Variants in UGT2B15 observed in about 807,000 individuals in gnomAD.
The protein encoded by UGT2B15 is UDP glucuronosyltransferase family 2 member B15, also known as UDP-glucuronosyltransferase 2B15.
In UGT2B15, 36 loss-of-function variants were observed where a neutral mutation model predicts 45.9. The ratio of observed to expected loss-of-function variants is 0.78; its 90% CI spans 0.60 to 1.04. UGT2B15 has a LOEUF of 1.04. Among genes scored for constraint, UGT2B15 ranks in the 50% least tolerant of loss-of-function variants. The pLI, the probability that UGT2B15 is intolerant of heterozygous loss-of-function variation, is 0.00. For synonymous variants in UGT2B15, 219 were observed against 216.4 expected, an observed-to-expected ratio of 1.01 and a Z score of -0.11; for missense variants, 617 against 622.4, an observed-to-expected ratio of 0.99 and a Z score of 0.09.
intron 5 of UGT2B15, among the ~76,000 whole-genome samples, chr4:68,652,548 C>A (rs1020273035): frequency 6.6e-6 from 1 of 151,530 alleles, no homozygotes; most frequent in African/African-American, 2.4e-5. Flanking sequence ...GCTGGTACCA[C>A]CTAACCTCAT....
At chr4:68,650,042 A>G (rs1732605431) in intron 5 of UGT2B15, among the ~76,000 whole-genome samples, 1 of 152,030 alleles carries the variant, frequency 6.6e-6, no homozygotes, top group Non-Finnish European at 1.5e-5. Flanking sequence ...TATGTTGGCC[A>G]GGAGTATGGT....
chr4:68,653,443 T>C (rs1438143398), intron 5 of UGT2B15, among the ~76,000 whole-genome samples: 6 of 152,018 alleles, frequency 3.9e-5, no homozygotes, highest in Non-Finnish European at 8.8e-5. Context: ...GAATAATCTA[T>C]TGAGAAACAA....
intron 3 of UGT2B15, among the ~76,000 whole-genome samples, chr4:68,661,138 G>A (rs1331041762): frequency 6.6e-6 from 1 of 151,934 alleles, no homozygotes; most frequent in Non-Finnish European, 1.5e-5. Flanking sequence ...CTTCTAAAAT[G>A]CTTTCTCCAA....
chr4:68,666,679 C>T (rs1733129447), intron 2 of UGT2B15, among the ~76,000 whole-genome samples: 1 of 150,536 alleles, frequency 6.6e-6, no homozygotes, highest in Non-Finnish European at 1.5e-5. Flanking sequence ...CATTTCTTAA[C>T]TCTTTTCACT....
rs1732618020 is a variant in UGT2B15, at chr4:68,650,383, AGTG to A, written c.1314-3003_1314-3001del. ...TCTCATTGTTCAACTCCCTCTTATA[AGTG>A]AGAACATGTGGTGTTTGGTTTTCTG... On this transcript the variant is annotated intron_variant, in intron 5 of 5. Coordinates refer to ENST00000338206, the MANE Select transcript of UGT2B15 (RefSeq NM_001076.4). Among the ~76,000 whole-genome samples, 18 of 151,952 alleles carry A rather than the reference AGTG, an allele frequency of 1.2e-4. No individual in the cohort carries two copies. In the South Asian group the frequency reaches 3.8e-3, roughly 32 times the overall value.
At chr4:68,653,990 C>G (rs1239704394) in intron 5 of UGT2B15, 47 bp downstream of exon 5, 1 of 1,597,206 alleles carries the variant, frequency 6.3e-7, no homozygotes, top group Non-Finnish European at 8.6e-7. Flanking sequence ...TCACTGTTGA[C>G]AAAATAATTT....
chr4:68,653,498 C>G (rs1281911875), intron 5 of UGT2B15, among the ~76,000 whole-genome samples: 7 of 151,910 alleles, frequency 4.6e-5, no homozygotes, highest in Non-Finnish European at 1.0e-4. Context: ...TTGGGAGTGA[C>G]TTCATACATT....
chr4:68,654,436 A>G (rs1240316878), intron 4 of UGT2B15, among the ~76,000 whole-genome samples, 180 bp from the exon 5 acceptor site: 1 of 147,224 alleles, frequency 6.8e-6, no homozygotes, highest in African/African-American at 2.4e-5. Context: ...ATGAAAAAGC[A>G]TATTCTTAAT....
chr4:68,667,897 G>A, intron 2 of UGT2B15, 143 bp downstream of exon 2: 1 of 1,350,880 alleles, frequency 7.4e-7, no homozygotes, highest in South Asian at 1.5e-5. Context: ...TGATACTACA[G>A]AAATATATGA....
At chr4:68,662,739 C>T (rs1340137942) in intron 3 of UGT2B15, among the ~76,000 whole-genome samples, 1 of 149,448 alleles carries the variant, frequency 6.7e-6, no homozygotes, top group African/African-American at 2.5e-5. Context: ...GTACATGCTA[C>T]GATACCATGA....
chr4:68,664,767 T>C (rs995235372), intron 2 of UGT2B15, among the ~76,000 whole-genome samples: 3 of 152,058 alleles, frequency 2.0e-5, no homozygotes, highest in Non-Finnish European at 4.4e-5. Context: ...GGTTTCACCA[T>C]CTTGGCCAGA....
intron 5 of UGT2B15, among the ~76,000 whole-genome samples, chr4:68,647,992 C>T (rs1425503737): frequency 1.3e-5 from 2 of 151,900 alleles, no homozygotes; most frequent in South Asian, 2.1e-4. Context: ...AAAGTGTTGG[C>T]CCTACAGACA....
Position 68,668,016 on chromosome 4 carries a change from C to T in UGT2B15, c.873+24G>A, listed in dbSNP as rs373072072. ...ATTCCTTCTGAAAATGTCAAGCAAA[C>T]AAATGAAACAAGAATACATTTACCT... On this transcript the variant is annotated intron_variant, in intron 2 of 5. Coordinates refer to ENST00000338206, the MANE Select transcript of UGT2B15 (RefSeq NM_001076.4). 2.5e-6 allele frequency: 4 copies of T among 1,610,884 alleles called. No homozygotes were observed. The African/African-American group carries it at 5.4e-5, about 22-fold the overall frequency.
intron 4 of UGT2B15, 134 bp downstream of exon 4, chr4:68,654,955 AATAAAT>A (rs1732760278): frequency 1.8e-6 from 2 of 1,085,960 alleles, no homozygotes; most frequent in East Asian, 2.6e-5. Context: ...AAGACTGGAA[AATAAAT>A]ATAAAGTAGT....
At chr4:68,650,993 T>G (rs1413002671) in intron 5 of UGT2B15, among the ~76,000 whole-genome samples, 3 of 59,478 alleles carry the variant, frequency 5.0e-5, no homozygotes, top group African/African-American at 9.2e-5. Context: ...TTTGATGGTG[T>G]TGTTTTTTTT....
chr4:68,664,588 A>G (rs529897881), intron 2 of UGT2B15, among the ~76,000 whole-genome samples: 1 of 150,522 alleles, frequency 6.6e-6, no homozygotes, highest in East Asian at 1.9e-4. Context: ...TTTTTTCCAG[A>G]TGGAGTCTTT....
At chr4:68,664,383 A>T (rs1733058994) in intron 2 of UGT2B15, among the ~76,000 whole-genome samples, 1 of 151,922 alleles carries the variant, frequency 6.6e-6, no homozygotes, top group East Asian at 1.9e-4. Context: ...TTTGTTCAAA[A>T]TTCTCTTTTT....
chr4:68,667,982 T>C (rs1344511877), intron 2 of UGT2B15, 58 bp downstream of exon 2: 8 of 1,598,240 alleles, frequency 5.0e-6, no homozygotes, highest in Middle Eastern at 1.7e-4. Context: ...GAAAGAAACA[T>C]ATCCAGCCAT....
At chr4:68,653,926 A>T in intron 5 of UGT2B15, 111 bp downstream of exon 5, 2 of 1,370,960 alleles carry the variant, frequency 1.5e-6, no homozygotes, top group Non-Finnish European at 2.0e-6. Flanking sequence ...ACATTGGTTA[A>T]ATCACTTCAA....
Sources: gnomAD v4.1 joint callset for allele counts (sites outside exome capture counted in the v4.1 genomes callset) on GRCh38, gnomAD v4.1.1 for gene constraint, MANE v1.5 for transcripts, NCBI Gene and HGNC (gene_info 2026-07-23, HGNC 2026-07-21) for gene names.